The following IMMP2L variants were observed in gnomAD, a reference collection of about 807,000 sequenced individuals.
IMMP2L encodes the protein mitochondrial inner membrane protease subunit 2.
IMMP2L carries 18 observed loss-of-function variants against 19.3 expected under a neutral mutation model. The ratio of observed to expected loss-of-function variants is 0.93; its 90% CI spans 0.64 to 1.38. The LOEUF is 1.38. IMMP2L is among the 40% of genes most tolerant of loss of function. IMMP2L has a pLI of 0.00. For synonymous variants in IMMP2L, 76 were observed against 73.0 expected, an observed-to-expected ratio of 1.04 and a Z score of -0.21; for missense variants, 233 against 218.2, an observed-to-expected ratio of 1.07 and a Z score of -0.43.
intron 5 of IMMP2L, among the ~76,000 whole-genome samples, chr7:110,706,280 A>T (rs1229667352): frequency 6.6e-6 from 1 of 151,850 alleles, no homozygotes; most frequent in Non-Finnish European, 1.5e-5. Context: ...TTTCCTTATT[A>T]TGTTGTAGAG....
chr7:111,375,674 G>A (rs183066056), intron 3 of IMMP2L, among the ~76,000 whole-genome samples: 41 of 152,002 alleles, frequency 2.7e-4, no homozygotes, highest in African/African-American at 8.4e-4. Context: ...ACAGGTGTGC[G>A]CCACCATGCC....
At chr7:111,349,435 T>A (rs574187197) in intron 3 of IMMP2L, among the ~76,000 whole-genome samples, 1 of 152,186 alleles carries the variant, frequency 6.6e-6, no homozygotes, top group Admixed American at 6.6e-5. Flanking sequence ...AAAAATAGTT[T>A]TAAATTTTTG....
At chr7:111,050,588 C>A (rs539854190) in intron 3 of IMMP2L, among the ~76,000 whole-genome samples, 2 of 152,234 alleles carry the variant, frequency 1.3e-5, no homozygotes, top group South Asian at 4.1e-4. Flanking sequence ...GATTGACAGT[C>A]TTTTTAAAGT....
chr7:111,127,386 C>T (rs1452232014), intron 3 of IMMP2L, among the ~76,000 whole-genome samples: 1 of 152,152 alleles, frequency 6.6e-6, no homozygotes, highest in African/African-American at 2.4e-5. Context: ...CATATCATAG[C>T]ACTGGGAATT....
intron 3 of IMMP2L, among the ~76,000 whole-genome samples, chr7:111,386,517 G>C (rs1367624240): frequency 6.6e-6 from 1 of 152,118 alleles, no homozygotes; most frequent in African/African-American, 2.4e-5. Context: ...AAATTCAAGT[G>C]TGAAGGTATG....
At chr7:110,833,040 T>C (rs1804110066) in intron 5 of IMMP2L, among the ~76,000 whole-genome samples, 1 of 152,210 alleles carries the variant, frequency 6.6e-6, no homozygotes, top group Admixed American at 6.5e-5. Context: ...ATGTAATTAA[T>C]TGTCATATTA....
chr7:110,665,053 G>T (rs1562900111), intron 5 of IMMP2L: 1 of 152,150 alleles, frequency 6.6e-6, no homozygotes, highest in Admixed American at 6.5e-5. Flanking sequence ...TTACACAGAA[G>T]AAGAAGAAGA....
intron 4 of IMMP2L, among the ~76,000 whole-genome samples, chr7:110,949,687 T>C (rs1315689919): frequency 3.9e-5 from 6 of 152,192 alleles, no homozygotes; most frequent in East Asian, 1.9e-4. Context: ...CAAGCCTATA[T>C]ACTGTCTGTC....
intron 3 of IMMP2L, among the ~76,000 whole-genome samples, chr7:111,323,021 T>A (rs1824906398): frequency 1.3e-5 from 2 of 151,752 alleles, no homozygotes; most frequent in Non-Finnish European, 2.9e-5. Context: ...TTCACTGTAA[T>A]AAACTCTCTT....
chr7:111,284,304 A>G (rs962089735), intron 3 of IMMP2L, among the ~76,000 whole-genome samples: 8 of 152,182 alleles, frequency 5.3e-5, no homozygotes, highest in South Asian at 2.1e-4. Flanking sequence ...GAAAAAAATC[A>G]TAACTTGTGT....
At chr7:111,550,497 T>C (rs1282351199) in intron 1 of IMMP2L, among the ~76,000 whole-genome samples, 4 of 152,132 alleles carry the variant, frequency 2.6e-5, no homozygotes, top group African/African-American at 9.7e-5. Flanking sequence ...GTAGCAAACG[T>C]ACCATTCTGG....
chr7:111,109,161 A>T (rs983379138), intron 3 of IMMP2L, among the ~76,000 whole-genome samples: 16 of 152,350 alleles, frequency 1.1e-4, no homozygotes, highest in Admixed American at 2.6e-4. Context: ...AGACCAAATT[A>T]AAGAACAAAC....
chr7:110,748,830 T>C lies in IMMP2L; in HGVS notation c.409-85109A>G, dbSNP rs542596813. Among the ~76,000 whole-genome samples, 392 of 152,284 alleles carry C rather than the reference T, an allele frequency of 2.6e-3. 4 individuals carry two copies. The highest frequency in any genetic ancestry group is 8.9e-3 in the African/African-American group (369 of 41,542). ...AACCTAGCCAATACCATTCAGGACA[T>C]TGGCATGGGCAAAGACTTCATGACT... is the stretch of plus-strand genomic sequence containing the variant. On this transcript the variant is annotated intron_variant, in intron 5 of 5. Transcript: ENST00000405709.
At chr7:111,512,823 A>G (rs561735493) in intron 2 of IMMP2L, among the ~76,000 whole-genome samples, 1 of 152,302 alleles carries the variant, frequency 6.6e-6, no homozygotes, top group South Asian at 2.1e-4. Context: ...TCAATTTTCA[A>G]CAAAGATGCC....
At chr7:110,878,616 T>C (rs1212532796) in intron 5 of IMMP2L, among the ~76,000 whole-genome samples, 3 of 152,122 alleles carry the variant, frequency 2.0e-5, no homozygotes, top group Admixed American at 1.3e-4. Context: ...CTTCATATCA[T>C]TCACTGTTGT....
chr7:110,906,412 T>C (rs1182654265), intron 4 of IMMP2L, among the ~76,000 whole-genome samples: 1 of 152,222 alleles, frequency 6.6e-6, no homozygotes, highest in East Asian at 1.9e-4. Flanking sequence ...CAAGCTGGTC[T>C]AGGTGAAGAA....
intron 3 of IMMP2L, among the ~76,000 whole-genome samples, chr7:111,323,232 A>G (rs989623233): frequency 1.3e-5 from 2 of 152,054 alleles, no homozygotes; most frequent in Non-Finnish European, 2.9e-5. Flanking sequence ...AATTTCTGCA[A>G]TCTACTCATC....
chr7:110,906,484 G>A (rs1430161254), intron 4 of IMMP2L, among the ~76,000 whole-genome samples: 1 of 152,182 alleles, frequency 6.6e-6, no homozygotes, highest in African/African-American at 2.4e-5. Flanking sequence ...ATAGGCAAAT[G>A]TAACCCTAGT....
intron 5 of IMMP2L, among the ~76,000 whole-genome samples, chr7:110,664,155 C>T (rs1319079001): frequency 1.3e-5 from 2 of 152,108 alleles, no homozygotes; most frequent in Non-Finnish European, 1.5e-5. Context: ...AAGCATAAAT[C>T]TGGCGTATAT....
Sources: gnomAD v4.1 joint callset for allele counts (sites outside exome capture counted in the v4.1 genomes callset) on GRCh38, gnomAD v4.1.1 for gene constraint, MANE v1.5 for transcripts, NCBI Gene and HGNC (gene_info 2026-07-23, HGNC 2026-07-21) for gene names.